ACAA2: variants seen among roughly 807,000 people sequenced by gnomAD.
The protein encoded by ACAA2 is acetyl-CoA acyltransferase 2.
In ACAA2, 35 loss-of-function variants were observed where a neutral mutation model predicts 44.8. The observed-to-expected ratio is 0.78, with a 90% CI of 0.60 to 1.04. The LOEUF is 1.04. ACAA2 is among the 50% of genes least tolerant of loss of function. The pLI, the probability that ACAA2 is intolerant of heterozygous loss-of-function variation, is 0.00. For synonymous variants in ACAA2, 142 were observed against 166.5 expected (o/e 0.85, Z 1.13); for missense variants, 468 against 482.6 (o/e 0.97, Z 0.28).
chr18:49,792,537 C>T (rs776180206), intron 5 of ACAA2, among the ~76,000 whole-genome samples: 4 of 152,104 alleles, frequency 2.6e-5, no homozygotes, highest in African/African-American at 4.8e-5. Flanking sequence ...CTCTGCCTCC[C>T]GGGTTCAAGT....
chr18:49,797,745 T>C, intron 2 of ACAA2, 151 bp from the exon 3 acceptor site: 1 of 552,776 alleles, frequency 1.8e-6, no homozygotes, highest in South Asian at 2.9e-5. Context: ...TACAGCATAT[T>C]ATATCTAATA....
chr18:49,795,299 G>A (rs544344649), intron 4 of ACAA2, among the ~76,000 whole-genome samples: 2 of 152,200 alleles, frequency 1.3e-5, no homozygotes, highest in South Asian at 2.1e-4. Context: ...TGTTTGATTT[G>A]GGACAATATA....
chr18:49,788,388 C>A (rs1300577890), intron 7 of ACAA2, among the ~76,000 whole-genome samples: 3 of 152,106 alleles, frequency 2.0e-5, no homozygotes, highest in African/African-American at 7.2e-5. Flanking sequence ...ATAATGAAAC[C>A]TAAATATAAT....
chr18:49,809,185 T>G (rs963362273), intron 1 of ACAA2, among the ~76,000 whole-genome samples: 16 of 152,228 alleles, frequency 1.1e-4, no homozygotes, highest in African/African-American at 3.9e-4. Context: ...ACCTTATGGT[T>G]ATCTTCCCTT....
rs748781777 is a variant in ACAA2, at chr18:49,796,977, TATATA to T, written c.312+484_312+488del. On this transcript the variant is annotated intron_variant, in intron 3 of 9. Transcript: ENST00000285093. ...TTAAAAATATTGAAGTATATATATA[TATATA>T]ATACTTACCATTTTAACCATTTTTA... Among the ~76,000 whole-genome samples the T allele has an allele frequency of 8.3e-4, 126 of 152,082 alleles. 3 individuals carry two copies. Among genetic ancestry groups the T allele is most frequent in the Non-Finnish European group, 7.2e-4 (49 of 68,006 alleles).
Position 49,787,313 on chromosome 18 carries a change from A to G in ACAA2, c.932T>C (p.Leu311Pro). The G allele has an allele frequency of 5.4e-6, 8 of 1,469,498 alleles. No individual in the cohort carries two copies. The highest frequency in any genetic ancestry group is 6.3e-6 in the Non-Finnish European group (7 of 1,111,676). 91.0% of individuals were successfully genotyped at this position (1,469,498 alleles called of 1,614,324 possible). A position where few individuals can be genotyped will look rare whatever the true frequency, so the allele number is the denominator to read the frequency against. Residue 311 changes from leucine (L) to proline (P), a missense_variant, in exon 8 of 10, where the codon CTT (leucine) becomes CCT (proline). Leu to Pro is a moderately conservative substitution (Grantham distance 98). Transcript: ENST00000285093. ...SGALKKAGLS[L>P]KDMDLVEVNE... is the part of the protein sequence containing the mutation. ...TACCTCTACCAAATCCATGTCCTTAAGACTCAGTCCTGCTTTCTTCAGTGC... is the reference window on the plus strand; with the variant it reads ...TACCTCTACCAAATCCATGTCCTTAGGACTCAGTCCTGCTTTCTTCAGTGC...
intron 5 of ACAA2, among the ~76,000 whole-genome samples, chr18:49,792,555 C>T (rs1054305689): frequency 6.6e-6 from 1 of 152,106 alleles, no homozygotes; most frequent in African/African-American, 2.4e-5. Flanking sequence ...AGTGATTCTC[C>T]TGCCTCAGCC....
At chr18:49,809,694 A>T (rs2023647870) in intron 1 of ACAA2, among the ~76,000 whole-genome samples, 1 of 152,268 alleles carries the variant, frequency 6.6e-6, no homozygotes, top group Non-Finnish European at 1.5e-5. Flanking sequence ...GACAGTAAAA[A>T]GATCAGTGCT....
At chr18:49,800,448 G>A (rs1477113843) in intron 2 of ACAA2, among the ~76,000 whole-genome samples, 1 of 152,212 alleles carries the variant, frequency 6.6e-6, no homozygotes, top group African/African-American at 2.4e-5. Flanking sequence ...GTTTTGTGGA[G>A]TAGAAAGGGG....
chr18:49,794,437 G>T lies in ACAA2; in HGVS notation c.430-10C>A. 1.3e-6 allele frequency: 2 copies of T among 1,563,972 alleles called. No homozygotes were observed. Among genetic ancestry groups the T allele is most frequent in the Non-Finnish European group, 8.6e-7 (1 of 1,159,000 alleles). On this transcript the variant is annotated splice_polypyrimidine_tract_variant and intron_variant, in intron 4 of 9. Coordinates refer to ENST00000285093, the MANE Select transcript of ACAA2 (RefSeq NM_006111.3). ...ATAAAGAATCTTCCAGCTATTAAAA[G>T]ACATTAATAAAGTGACTTGTTAAGG...
At chr18:49,791,084 T>C (rs532638088) in intron 7 of ACAA2, among the ~76,000 whole-genome samples, 1 of 152,320 alleles carries the variant, frequency 6.6e-6, no homozygotes, top group African/African-American at 2.4e-5. Flanking sequence ...TACCACCTTC[T>C]CCATACAGCC....
chr18:49,792,973 AACC>A (rs2023423282), intron 5 of ACAA2, among the ~76,000 whole-genome samples: 1 of 152,138 alleles, frequency 6.6e-6, no homozygotes, highest in Non-Finnish European at 1.5e-5. Flanking sequence ...ATATTTTTTT[AACC>A]ACAATTTTTT....
intron 4 of ACAA2, among the ~76,000 whole-genome samples, chr18:49,795,516 G>T (rs1463373426): frequency 6.6e-6 from 1 of 151,958 alleles, no homozygotes; most frequent in Non-Finnish European, 1.5e-5. Flanking sequence ...ACTTACACAG[G>T]ATAATTATAC....
At chr18:49,785,142 C>T (rs1040965033) in intron 9 of ACAA2, 55 bp downstream of exon 9, 22 of 1,585,732 alleles carry the variant, frequency 1.4e-5, no homozygotes, top group East Asian at 1.1e-4. Flanking sequence ...AGCCTAAATC[C>T]ATGCATTTCT....
chr18:49,804,828 C>G (rs563089079), intron 1 of ACAA2, among the ~76,000 whole-genome samples: 1 of 152,192 alleles, frequency 6.6e-6, no homozygotes, highest in East Asian at 1.9e-4. Context: ...TGTGACTATA[C>G]AAATATATGA....
chr18:49,784,313 A>C (rs1467544894), intron 9 of ACAA2, among the ~76,000 whole-genome samples: 1 of 152,160 alleles, frequency 6.6e-6, no homozygotes, highest in Non-Finnish European at 1.5e-5. Flanking sequence ...GATGAACATT[A>C]AGCTCCTTTG....
chr18:49,782,980 T>C lies in ACAA2; in HGVS notation c.*867A>G, dbSNP rs2023284136. ...CCTTGCCCTACTAGATATCCAGTCT[T>C]AGAACAGACAAATAAAGCAATGGAA... is the stretch of plus-strand genomic sequence containing the variant. On this transcript the variant is annotated 3_prime_UTR_variant, in exon 10 of 10. Coordinates refer to ENST00000285093, the MANE Select transcript of ACAA2 (RefSeq NM_006111.3). 1 of 152,154 alleles carries C rather than the reference T, an allele frequency of 6.6e-6. No individual in the cohort carries two copies. The highest frequency in any genetic ancestry group is 2.4e-5 in the African/African-American group (1 of 41,434). The allele number at this position is 152,154 out of a possible 1,614,324, so 9.4% of individuals were successfully genotyped here.
At chr18:49,812,424 C>G (rs867467604) in intron 1 of ACAA2, among the ~76,000 whole-genome samples, 1 of 152,182 alleles carries the variant, frequency 6.6e-6, no homozygotes, top group Non-Finnish European at 1.5e-5. Context: ...AAACCAGACA[C>G]TTTTCATCAT....
At chr18:49,791,028 C>T (rs1228729967) in intron 7 of ACAA2, among the ~76,000 whole-genome samples, 11 of 152,284 alleles carry the variant, frequency 7.2e-5, no homozygotes, top group Non-Finnish European at 1.5e-4. Context: ...TTACTGGAGA[C>T]GTGGGAAGAC....
Sources: allele counts gnomAD v4.1 joint callset (sites outside exome capture counted in the v4.1 genomes callset), GRCh38; gene constraint gnomAD v4.1.1; transcripts MANE v1.5; gene names NCBI Gene and HGNC (gene_info 2026-07-23, HGNC 2026-07-21).